Variants in GRAMD1B observed in about 807,000 individuals in gnomAD.
GRAMD1B encodes GRAM domain containing 1B, also known as protein Aster-B.
In GRAMD1B, 37 loss-of-function variants were observed where a neutral mutation model predicts 99.7. The ratio of observed to expected loss-of-function variants is 0.37; its 90% confidence interval spans 0.29 to 0.49. GRAMD1B has a LOEUF of 0.49. GRAMD1B is among the 20% of genes least tolerant of loss of function. GRAMD1B has a pLI of 0.98. For synonymous variants in GRAMD1B, 427 were observed against 387.6 expected (o/e 1.10, Z -1.19); for missense variants, 888 against 1,009.2 (o/e 0.88, Z 1.63).
intron 2 of GRAMD1B, among the ~76,000 whole-genome samples, chr11:123,568,101 T>G (rs1174561303): frequency 6.6e-6 from 1 of 150,674 alleles, no homozygotes; most frequent in African/African-American, 2.4e-5. Context: ...TTGTAAAAAT[T>G]TTTTAAAGTT....
chr11:123,560,278 T>A, intron 2 of GRAMD1B: 3 of 1,131,240 alleles, frequency 2.7e-6, no homozygotes, highest in Non-Finnish European at 3.3e-6. Context: ...AGAACAGCTG[T>A]CTGTGAGGGA....
intron 6 of GRAMD1B, among the ~76,000 whole-genome samples, chr11:123,595,538 C>CCCGCCT (rs766337272): frequency 1.8e-4 from 28 of 152,130 alleles, no homozygotes; most frequent in Non-Finnish European, 3.5e-4. Flanking sequence ...AGGTGATCCG[C>CCCGCCT]CCGCCTCCGC....
At chr11:123,588,799 A>G (rs576131737) in intron 4 of GRAMD1B, among the ~76,000 whole-genome samples, 1 of 152,212 alleles carries the variant, frequency 6.6e-6, no homozygotes, top group Non-Finnish European at 1.5e-5. Flanking sequence ...TAAGGAATGC[A>G]TTCACTTGGT....
At chr11:123,446,801 G>A (rs547350459) in intron 1 of GRAMD1B, among the ~76,000 whole-genome samples, 26 of 152,220 alleles carry the variant, frequency 1.7e-4, no homozygotes, top group African/African-American at 6.0e-4. Context: ...TGGGCATGGC[G>A]GTGTGTGCGT....
At chr11:123,534,184 A>T (rs749729835) in intron 2 of GRAMD1B, among the ~76,000 whole-genome samples, 1 of 152,252 alleles carries the variant, frequency 6.6e-6, no homozygotes, top group Admixed American at 6.5e-5. Flanking sequence ...ATTATGCATT[A>T]TATACTGTAT....
At chr11:123,465,044 C>T (rs777050649) in intron 1 of GRAMD1B, among the ~76,000 whole-genome samples, 10 of 151,910 alleles carry the variant, frequency 6.6e-5, no homozygotes, top group Admixed American at 3.9e-4. Flanking sequence ...TATGGGGGAC[C>T]GGAGCTTGGT....
chr11:123,390,150 AAGAG>A (rs1555110197), intron 1 of GRAMD1B, among the ~76,000 whole-genome samples: 1 of 151,690 alleles, frequency 6.6e-6, no homozygotes, highest in Non-Finnish European at 1.5e-5. Flanking sequence ...AAAAAAAAAA[AAGAG>A]AGAGAGACTC....
intron 1 of GRAMD1B, among the ~76,000 whole-genome samples, chr11:123,379,699 A>T (rs1240602634): frequency 2.6e-5 from 4 of 152,258 alleles, no homozygotes; most frequent in Non-Finnish European, 5.9e-5. Flanking sequence ...ATACACCTGG[A>T]AGTGAAATTA....
intron 2 of GRAMD1B, among the ~76,000 whole-genome samples, chr11:123,544,954 G>A (rs1225520013): frequency 6.6e-6 from 1 of 152,182 alleles, no homozygotes; most frequent in Non-Finnish European, 1.5e-5. Flanking sequence ...GGGCCAGACC[G>A]CCTAGTCTCT....
intron 1 of GRAMD1B, among the ~76,000 whole-genome samples, chr11:123,397,298 C>A (rs1024944161): frequency 6.6e-6 from 1 of 152,086 alleles, no homozygotes; most frequent in Admixed American, 6.6e-5. Context: ...ATCCCAGCTA[C>A]TCGGGAGGCT....
intron 2 of GRAMD1B, among the ~76,000 whole-genome samples, chr11:123,524,083 T>C (rs115457608): frequency 6.6e-6 from 1 of 152,286 alleles, no homozygotes; most frequent in African/African-American, 2.4e-5. Flanking sequence ...CTGGACCACG[T>C]GGACATTGGA....
intron 2 of GRAMD1B, among the ~76,000 whole-genome samples, chr11:123,534,858 C>G (rs1014363613): frequency 6.6e-6 from 1 of 150,744 alleles, no homozygotes; most frequent in Admixed American, 6.6e-5. Flanking sequence ...GAGCGAAACT[C>G]CATCTCAAAG....
At position 123,586,233 on chromosome 11, in the gene GRAMD1B, G is replaced by A. The variant is rs114961486; in HGVS notation, c.684+1901G>A. ...ATGAGAGCCAGCGGAGGAGCTGGGC[G>A]TGACGGAGTCCTGCTTTCTGATGGT... On this transcript the variant is annotated intron_variant, in intron 4 of 19. Transcript: ENST00000635736. 7.7e-3 allele frequency among the ~76,000 whole-genome samples: 1,173 copies of A among 152,282 alleles called. 12 individuals are homozygous for A. Among genetic ancestry groups the A allele is most frequent in the African/African-American group, 0.025 (1,044 of 41,552 alleles).
At chr11:123,413,428 T>C (rs1484816589) in intron 1 of GRAMD1B, among the ~76,000 whole-genome samples, 2 of 152,160 alleles carry the variant, frequency 1.3e-5, no homozygotes, top group Admixed American at 1.3e-4. Flanking sequence ...GAGAGAGAAC[T>C]GATCAATAAA....
At chr11:123,598,235 T>G in intron 7 of GRAMD1B, 2 of 1,401,036 alleles carry the variant, frequency 1.4e-6, no homozygotes, top group Non-Finnish European at 2.0e-6. Flanking sequence ...ATCTCACAGT[T>G]GTAGTTGATA....
chr11:123,598,440 C>T (rs1400323221), intron 7 of GRAMD1B: 16 of 958,550 alleles, frequency 1.7e-5, no homozygotes, highest in Non-Finnish European at 2.4e-5. Context: ...AGTGAGATGT[C>T]GCTGTTCTCC....
rs1393844843 is a variant in GRAMD1B at position 123,627,021 on chromosome 11, G to C, written c.*4426G>C. ...CCCTGTTTTGATGTTCTGTGCAACA[G>C]CTCCGGGGTCTTGTGACTGGAGATC... On this transcript the variant is annotated 3_prime_UTR_variant, in exon 20 of 20. Coordinates refer to ENST00000635736, the MANE Select transcript of GRAMD1B (RefSeq NM_001387025.1). The C allele has an allele frequency of 6.6e-6, 1 of 152,252 alleles. No individual in the cohort carries two copies. The highest frequency in any genetic ancestry group is 1.9e-4 in the East Asian group (1 of 5,178). The allele number at this position is 152,252 out of a possible 1,614,324, so 9.4% of individuals were successfully genotyped here.
At chr11:123,384,532 ATTAT>A (rs1185330322) in intron 1 of GRAMD1B, among the ~76,000 whole-genome samples, 1 of 151,010 alleles carries the variant, frequency 6.6e-6, no homozygotes, top group Non-Finnish European at 1.5e-5. Context: ...CTAGTAATTG[ATTAT>A]TTATTTGACT....
chr11:123,457,727 T>G (rs1950223104), intron 1 of GRAMD1B, among the ~76,000 whole-genome samples: 1 of 152,230 alleles, frequency 6.6e-6, no homozygotes, highest in Non-Finnish European at 1.5e-5. Flanking sequence ...TTTATGTATT[T>G]GTTTTTTGAG....
Sources: allele counts gnomAD v4.1 joint callset (sites outside exome capture counted in the v4.1 genomes callset), GRCh38; gene constraint gnomAD v4.1.1; transcripts MANE v1.5; gene names NCBI Gene and HGNC (gene_info 2026-07-23, HGNC 2026-07-21).